NDUFA8: variants seen among roughly 807,000 people sequenced by gnomAD.
NDUFA8 encodes NADH:ubiquinone oxidoreductase subunit A8.
NDUFA8 carries 16 observed loss-of-function variants against 20.9 expected under a neutral mutation model. The observed-to-expected ratio is 0.77, with a 90% CI of 0.52 to 1.16. The LOEUF is 1.16. Ranked by LOEUF, NDUFA8 falls within the 50% of genes most tolerant of loss-of-function variation. The pLI, the probability that NDUFA8 is intolerant of heterozygous loss-of-function variation, is 0.00. For synonymous variants in NDUFA8, 70 were observed against 76.1 expected (o/e 0.92, Z 0.41); for missense variants, 202 against 216.4 (o/e 0.93, Z 0.42).
the NDUFA8 span, among the ~76,000 whole-genome samples, chr9:122,138,686 T>C: frequency 3.4e-4 from 51 of 152,232 alleles, no homozygotes; most frequent in African/African-American, 1.2e-3. Flanking sequence ...AAGATACAAC[T>C]GCAAAGGAGA....
chr9:122,139,267 G>T (rs936505924), downstream of NDUFA8, among the ~76,000 whole-genome samples: 7 of 152,128 alleles, frequency 4.6e-5, no homozygotes, highest in African/African-American at 1.7e-4. Flanking sequence ...TCACTGGCTG[G>T]CTCCTTTTCA....
At chr9:122,139,182 C>T (rs1172905020), downstream of NDUFA8, among the ~76,000 whole-genome samples, 1 of 152,188 alleles carries the variant, frequency 6.6e-6, no homozygotes, top group African/African-American at 2.4e-5. Flanking sequence ...CACAGCGAGC[C>T]CTGCCCTGCC....
the NDUFA8 span, among the ~76,000 whole-genome samples, chr9:122,135,932 C>A: frequency 1.3e-5 from 2 of 152,198 alleles, no homozygotes; most frequent in Non-Finnish European, 2.9e-5. Flanking sequence ...ATAAAATACA[C>A]ATAGTCCCTG....
intron 1 of NDUFA8, among the ~76,000 whole-genome samples, chr9:122,155,784 G>C (rs1021658338): frequency 1.3e-5 from 2 of 152,142 alleles, no homozygotes; most frequent in East Asian, 1.9e-4. Context: ...GCTTTAACTG[G>C]CTGATTCAAT....
the NDUFA8 span, among the ~76,000 whole-genome samples, chr9:122,136,382 T>C: frequency 2.0e-5 from 3 of 152,206 alleles, no homozygotes; most frequent in African/African-American, 7.2e-5. Context: ...CTTTCCCACT[T>C]CTGGGTCAAT....
chr9:122,158,783 G>A (rs1040427570), intron 1 of NDUFA8, among the ~76,000 whole-genome samples: 8 of 145,888 alleles, frequency 5.5e-5, no homozygotes, highest in Non-Finnish European at 1.2e-4. Flanking sequence ...CCAATTGTGT[G>A]TGTGTATATA....
chr9:122,144,217 C>T lies in NDUFA8; in HGVS notation c.*24G>A, dbSNP rs758217622. 3.7e-6 allele frequency: 6 copies of T among 1,612,934 alleles called. No individual in the cohort carries two copies. The highest frequency in any genetic ancestry group is 2.7e-5 in the African/African-American group (2 of 74,892). On this transcript the variant is annotated 3_prime_UTR_variant, in exon 4 of 4. Coordinates refer to ENST00000373768, the MANE Select transcript of NDUFA8 (RefSeq NM_014222.3). The stretch of plus-strand genomic sequence containing the variant: ...ATCAGTCGTTGTCTGAGCACATGAC[C>T]GAGTGTGGGCCACGGACCCATCTTT...
chr9:122,148,072 C>T, intron 3 of NDUFA8, 40 bp downstream of exon 3: 1 of 1,612,982 alleles, frequency 6.2e-7, no homozygotes, highest in Non-Finnish European at 8.5e-7. Flanking sequence ...TATCCCACCC[C>T]TGAATCAGAA....
At chr9:122,142,628 T>A (rs1166948619), downstream of NDUFA8, among the ~76,000 whole-genome samples, 2 of 152,196 alleles carry the variant, frequency 1.3e-5, no homozygotes, top group Non-Finnish European at 2.9e-5. Context: ...TCTTAACCTC[T>A]CGCTAAACTT....
chr9:122,138,867 G>GGA, the NDUFA8 span, among the ~76,000 whole-genome samples: 3 of 140,678 alleles, frequency 2.1e-5, no homozygotes, highest in Admixed American at 7.4e-5. Flanking sequence ...AGAAGAGGTG[G>GGA]GGGGGGGGCC....
At chr9:122,137,017 T>C in the NDUFA8 span, among the ~76,000 whole-genome samples, 1 of 152,072 alleles carries the variant, frequency 6.6e-6, no homozygotes, top group Admixed American at 6.5e-5. Context: ...TCCCGATCCA[T>C]TCCTCCACAC....
the NDUFA8 span, among the ~76,000 whole-genome samples, chr9:122,135,213 A>AG: frequency 6.6e-6 from 1 of 152,182 alleles, no homozygotes. Context: ...TGTCAGTCTG[A>AG]GGGGTCCCAT....
intron 2 of NDUFA8, among the ~76,000 whole-genome samples, chr9:122,151,503 T>A (rs1395120654): frequency 6.6e-6 from 1 of 152,202 alleles, no homozygotes; most frequent in Non-Finnish European, 1.5e-5. Flanking sequence ...GAACAGCAAC[T>A]CGAGTGGCTG....
intron 2 of NDUFA8, among the ~76,000 whole-genome samples, chr9:122,151,627 G>A (rs1467853935): frequency 1.3e-5 from 2 of 152,232 alleles, no homozygotes; most frequent in Non-Finnish European, 2.9e-5. Flanking sequence ...AAGTAGTTGT[G>A]AAATTATTTA....
At chr9:122,135,369 G>C in the NDUFA8 span, among the ~76,000 whole-genome samples, 1 of 152,212 alleles carries the variant, frequency 6.6e-6, no homozygotes, top group African/African-American at 2.4e-5. Context: ...TGTTTCTCAA[G>C]TCTGACAGAA....
At chr9:122,133,221 A>G in the NDUFA8 span, among the ~76,000 whole-genome samples, 68,492 of 152,008 alleles carry the variant, frequency 0.45, 17,920 homozygotes, top group Middle Eastern at 0.63. Context: ...ACCATTCTTG[A>G]TTTCTGCTTT....
At chr9:122,134,997 G>A in the NDUFA8 span, among the ~76,000 whole-genome samples, 1 of 152,206 alleles carries the variant, frequency 6.6e-6, no homozygotes, top group East Asian at 1.9e-4. Flanking sequence ...AAGCTGGGTG[G>A]ATGTTTTTGT....
At chr9:122,137,849 A>G in the NDUFA8 span, among the ~76,000 whole-genome samples, 142 of 152,362 alleles carry the variant, frequency 9.3e-4, no homozygotes, top group African/African-American at 3.3e-3. Context: ...ACTGGCTGAA[A>G]GGGGAAAGTG....
At chr9:122,143,599 T>C (rs930805010), downstream of NDUFA8, among the ~76,000 whole-genome samples, 1 of 152,152 alleles carries the variant, frequency 6.6e-6, no homozygotes, top group African/African-American at 2.4e-5. Context: ...CCCTTGTCTA[T>C]CAGGAAAAAC....
Sources: allele counts gnomAD v4.1 joint callset (sites outside exome capture counted in the v4.1 genomes callset), GRCh38; gene constraint gnomAD v4.1.1; transcripts MANE v1.5; gene names NCBI Gene and HGNC (gene_info 2026-07-23, HGNC 2026-07-21).